Variants in NGEF observed in about 807,000 individuals in gnomAD.
The protein encoded by NGEF is neuronal guanine nucleotide exchange factor.
Under a neutral mutation model 80.9 loss-of-function variants are expected in NGEF, and 31 were observed. The ratio of observed to expected loss-of-function variants is 0.38; its 90% CI spans 0.29 to 0.52. The LOEUF is 0.52. Among genes scored for constraint, NGEF ranks in the 20% least tolerant of loss-of-function variants. The probability of loss-of-function intolerance (pLI) is 0.84; values close to 1 mark genes in which losing one functional copy is unlikely to be tolerated. For synonymous variants in NGEF, 371 were observed against 370.2 expected, an observed-to-expected ratio of 1.00 and a Z score of -0.03; for missense variants, 709 against 926.2, an observed-to-expected ratio of 0.77 and a Z score of 3.04.
chr2:233,001,388 G>A (rs770668106), intron 1 of NGEF, among the ~76,000 whole-genome samples: 1 of 152,234 alleles, frequency 6.6e-6, no homozygotes, highest in African/African-American at 2.4e-5. Flanking sequence ...ATCCTCATGT[G>A]AGCCTGTGAG....
intron 12 of NGEF, 134 bp from the exon 13 acceptor site, chr2:232,882,399 G>A (rs1265484608): frequency 2.6e-6 from 2 of 777,176 alleles, no homozygotes; most frequent in African/African-American, 1.7e-5. Flanking sequence ...CCCACCCCAG[G>A]GACAGCTCGG....
intron 3 of NGEF, among the ~76,000 whole-genome samples, chr2:232,930,245 T>A (rs1693190975): frequency 6.6e-6 from 1 of 152,014 alleles, no homozygotes; most frequent in Non-Finnish European, 1.5e-5. Context: ...CCCTCCTCTG[T>A]GTCACCGACT....
intron 3 of NGEF, among the ~76,000 whole-genome samples, chr2:232,946,344 G>A (rs945204045): frequency 9.9e-5 from 15 of 152,174 alleles, no homozygotes; most frequent in Admixed American, 3.9e-4. Context: ...TATACTGCTC[G>A]GCTGATAGAT....
At chr2:232,994,374 A>G (rs1419150819) in intron 1 of NGEF, among the ~76,000 whole-genome samples, 1 of 32,058 alleles carries the variant, frequency 3.1e-5, no homozygotes, top group Non-Finnish European at 1.5e-4. Context: ...TGTCTCAAAA[A>G]AAAAAAAAAA....
At chr2:232,958,828 C>A (rs1173052220) in intron 3 of NGEF, among the ~76,000 whole-genome samples, 1 of 152,164 alleles carries the variant, frequency 6.6e-6, no homozygotes, top group Admixed American at 6.5e-5. Flanking sequence ...TATTCATCAC[C>A]CAGCTTCAAG....
rs1466651281 is a variant in NGEF at position 232,879,429 on chromosome 2, C to CA, written c.*59_*60insT. The stretch of plus-strand genomic sequence containing the variant: ...GCCTGTGCTTCCCAGAGCCCCCCCC[C>CA]CCCCACCTTCTGTCGGGGTCTCATG... On this transcript the variant is annotated 3_prime_UTR_variant, in exon 15 of 15. Transcript: ENST00000264051. 2.7e-6 allele frequency: 4 copies of CA among 1,456,272 alleles called. No homozygotes were observed. Among genetic ancestry groups the CA allele is most frequent in the Non-Finnish European group, 3.7e-6 (4 of 1,069,534 alleles). 90.2% of individuals were successfully genotyped at this position (1,456,272 alleles called of 1,614,324 possible).
At chr2:232,944,661 G>GA (rs1203233097) in intron 3 of NGEF, among the ~76,000 whole-genome samples, 2 of 146,156 alleles carry the variant, frequency 1.4e-5, no homozygotes, top group Non-Finnish European at 3.0e-5. Context: ...AATAAGGAAA[G>GA]AAAAAAAGAG....
At chr2:232,950,564 C>T (rs1196581809) in intron 3 of NGEF, among the ~76,000 whole-genome samples, 2 of 152,080 alleles carry the variant, frequency 1.3e-5, no homozygotes, top group Non-Finnish European at 2.9e-5. Flanking sequence ...CCTCCCAGGG[C>T]CTTTGGTCCA....
At chr2:232,992,816 CT>C (rs1199288623) in intron 1 of NGEF, among the ~76,000 whole-genome samples, 1 of 151,286 alleles carries the variant, frequency 6.6e-6, no homozygotes, top group Non-Finnish European at 1.5e-5. Context: ...GCAAAACCCC[CT>C]CTCTACAAAA....
intron 1 of NGEF, among the ~76,000 whole-genome samples, chr2:232,997,313 G>A (rs1371075495): frequency 6.6e-6 from 1 of 152,190 alleles, no homozygotes; most frequent in Non-Finnish European, 1.5e-5. Flanking sequence ...TGGAAAAGGA[G>A]CCTGCCCTTG....
chr2:232,943,075 T>C lies in NGEF; in HGVS notation c.384-15889A>G, dbSNP rs147081041. ...GCTCAGCCCTTGGAGTAGCTTTTAT[T>C]TGTCACGGAGTCAGTGGGCTGTCTA... On this transcript the variant is annotated intron_variant, in intron 3 of 14. Coordinates refer to ENST00000264051, the MANE Select transcript of NGEF (RefSeq NM_019850.3). Among the ~76,000 whole-genome samples, 747 of 152,262 alleles carry C rather than the reference T, an allele frequency of 4.9e-3. 8 individuals are homozygous for C. The highest frequency in any genetic ancestry group is 0.016 in the African/African-American group (654 of 41,558).
Position 232,968,090 on chromosome 2 carries a change from T to C in NGEF, c.383+2124A>G, listed in dbSNP as rs571856999. Among the ~76,000 whole-genome samples, 34 of 146,720 alleles carry C rather than the reference T, an allele frequency of 2.3e-4. 1 individual carries two copies. In the South Asian group the frequency reaches 7.2e-3, roughly 31 times the overall value. On this transcript the variant is annotated intron_variant, in intron 3 of 14. Coordinates refer to ENST00000264051, the MANE Select transcript of NGEF (RefSeq NM_019850.3). ...CATTTGCTGAGGGCAGAAACAGACC[T>C]GGCTTTTTTTTTTTTGAGACAAAGT... is the stretch of plus-strand genomic sequence containing the variant.
intron 1 of NGEF, among the ~76,000 whole-genome samples, chr2:233,004,663 G>A (rs567381255): frequency 2.6e-5 from 4 of 152,238 alleles, no homozygotes; most frequent in East Asian, 1.9e-4. Context: ...TCCTGAAGGC[G>A]TTTAGGAAGC....
chr2:232,971,335 C>T (rs949340253), intron 2 of NGEF, among the ~76,000 whole-genome samples: 2 of 152,134 alleles, frequency 1.3e-5, no homozygotes, highest in Non-Finnish European at 2.9e-5. Flanking sequence ...TCAGGAAGTA[C>T]TGAGCAGTCA....
rs183949380 is a variant in NGEF at position 232,940,792 on chromosome 2, A to T, written c.384-13606T>A. ...TATATGTGGAATTTTAAGCGTGTGTATATACTTTTTAAAGGACTAGAAGAT... is the reference window on the plus strand; with the variant it reads ...TATATGTGGAATTTTAAGCGTGTGTTTATACTTTTTAAAGGACTAGAAGAT... On this transcript the variant is annotated intron_variant, in intron 3 of 14. Transcript: ENST00000264051. 4.3e-3 allele frequency among the ~76,000 whole-genome samples: 661 copies of T among 152,288 alleles called. 7 individuals carry two copies. Among genetic ancestry groups the T allele is most frequent in the African/African-American group, 0.015 (634 of 41,556 alleles).
rs144043277 is a variant in NGEF, at chr2:232,901,302, C to T, written c.829-6386G>A. ...TCCTGCCTCCGCACTCGGATCAACCCTGCGTTCCCCACCCTCAGCAAAGCT... is the reference window on the plus strand; with the variant it reads ...TCCTGCCTCCGCACTCGGATCAACCTTGCGTTCCCCACCCTCAGCAAAGCT... On this transcript the variant is annotated intron_variant, in intron 5 of 14. Coordinates refer to ENST00000264051, the MANE Select transcript of NGEF (RefSeq NM_019850.3). The T allele has an allele frequency of 4.5e-3, 4,181 of 933,084 alleles. 8 individuals carry two copies. Among genetic ancestry groups the T allele is most frequent in the Non-Finnish European group, 4.9e-3 (3,801 of 782,228 alleles). 57.8% of individuals were successfully genotyped at this position (933,084 alleles called of 1,614,324 possible). A position where few individuals can be genotyped will look rare whatever the true frequency, so the allele number is the denominator to read the frequency against.
At chr2:232,982,570 G>GAGT (rs1276421592) in intron 1 of NGEF, among the ~76,000 whole-genome samples, 1 of 152,150 alleles carries the variant, frequency 6.6e-6, no homozygotes, top group Non-Finnish European at 1.5e-5. Context: ...CTGGAGTGCA[G>GAGT]TGGCACGATC....
At chr2:232,985,974 A>C (rs1399384334) in intron 1 of NGEF, among the ~76,000 whole-genome samples, 3 of 152,034 alleles carry the variant, frequency 2.0e-5, no homozygotes, top group Non-Finnish European at 4.4e-5. Context: ...AAAAGAATTC[A>C]GTTTATGGCA....
intron 5 of NGEF, among the ~76,000 whole-genome samples, chr2:232,903,980 G>T (rs939984348): frequency 6.6e-6 from 1 of 152,178 alleles, no homozygotes; most frequent in Admixed American, 6.5e-5. Flanking sequence ...AGGCTGTACA[G>T]ATGCAGACTG....
Sources: gnomAD v4.1 joint callset for allele counts (sites outside exome capture counted in the v4.1 genomes callset) on GRCh38, gnomAD v4.1.1 for gene constraint, MANE v1.5 for transcripts, NCBI Gene and HGNC (gene_info 2026-07-23, HGNC 2026-07-21) for gene names.